Variants in FNDC3B observed in about 807,000 individuals in gnomAD.
The protein encoded by FNDC3B is fibronectin type III domain containing 3B.
In FNDC3B, 12 loss-of-function variants were observed where a neutral mutation model predicts 151.5. The observed-to-expected ratio is 0.08, with a 90% confidence interval of 0.05 to 0.13. The LOEUF is 0.13. FNDC3B is among the 10% of genes least tolerant of loss of function. The pLI is 1.00. For synonymous variants in FNDC3B, 528 were observed against 549.0 expected, an observed-to-expected ratio of 0.96 and a Z score of 0.54; for missense variants, 1,214 against 1,505.3, an observed-to-expected ratio of 0.81 and a Z score of 3.20.
At chr3:172,383,310 G>T (rs1451885033) in intron 25 of FNDC3B, among the ~76,000 whole-genome samples, 1 of 152,178 alleles carries the variant, frequency 6.6e-6, no homozygotes, top group Non-Finnish European at 1.5e-5. Flanking sequence ...TTTGCACATT[G>T]ATTTGGTATC....
intron 3 of FNDC3B, among the ~76,000 whole-genome samples, chr3:172,184,053 G>A (rs2108658076): frequency 6.6e-6 from 1 of 152,284 alleles, no homozygotes; most frequent in Admixed American, 6.5e-5. Flanking sequence ...GGAGGCATAA[G>A]TGAATAAAGA....
At chr3:172,365,042 A>G (rs930548260) in intron 23 of FNDC3B, among the ~76,000 whole-genome samples, 1 of 152,264 alleles carries the variant, frequency 6.6e-6, no homozygotes, top group Non-Finnish European at 1.5e-5. Flanking sequence ...GACCTTCCTC[A>G]GTGTCTTGAA....
chr3:172,315,102 C>T (rs1576902690), intron 11 of FNDC3B, among the ~76,000 whole-genome samples: 1 of 152,198 alleles, frequency 6.6e-6, no homozygotes, highest in South Asian at 2.1e-4. Flanking sequence ...TACAGCCGGG[C>T]GCGGTGGCTC....
At chr3:172,363,853 T>G (rs1368755551) in intron 23 of FNDC3B, among the ~76,000 whole-genome samples, 1 of 152,148 alleles carries the variant, frequency 6.6e-6, no homozygotes, top group Non-Finnish European at 1.5e-5. Flanking sequence ...TCTAGAAGCA[T>G]AGTATCAATT....
chr3:172,124,325 A>G (rs1397809877), intron 2 of FNDC3B, among the ~76,000 whole-genome samples: 3 of 152,220 alleles, frequency 2.0e-5, no homozygotes, highest in Non-Finnish European at 4.4e-5. Context: ...TCCCAGCCTC[A>G]AGTGATCTTC....
chr3:172,335,260 A>G lies in FNDC3B; in HGVS notation c.1780+178A>G, dbSNP rs531016094. ...CTGAGAATTCTACAAATTGGAATGG[A>G]CAATTTCATTAAAATGTAATCGTAA... is the stretch of plus-strand genomic sequence containing the variant. On this transcript the variant is annotated intron_variant, in intron 15 of 25. Transcript: ENST00000415807. 380 of 483,758 alleles carry G rather than the reference A, an allele frequency of 7.9e-4. 1 individual carries two copies. The highest frequency in any genetic ancestry group is 1.1e-3 in the Non-Finnish European group (301 of 286,230). 30.0% of individuals were successfully genotyped at this position (483,758 alleles called of 1,614,324 possible). A position where few individuals can be genotyped will look rare whatever the true frequency, so the allele number is the denominator to read the frequency against.
At chr3:172,285,872 AC>A (rs1366106928) in intron 6 of FNDC3B, 53 bp from the exon 7 acceptor site, 3 of 1,391,262 alleles carry the variant, frequency 2.2e-6, no homozygotes, top group Non-Finnish European at 3.1e-6. Flanking sequence ...GAACTTGACA[AC>A]CTTACTGCCT....
At chr3:172,132,360 A>G (rs1721147760) in intron 2 of FNDC3B, among the ~76,000 whole-genome samples, 1 of 152,188 alleles carries the variant, frequency 6.6e-6, no homozygotes. Context: ...GATTTTTAAA[A>G]TAGTGTTAGC....
intron 9 of FNDC3B, among the ~76,000 whole-genome samples, chr3:172,305,691 T>G (rs1262782230): frequency 2.0e-5 from 3 of 152,238 alleles, no homozygotes; most frequent in African/African-American, 7.2e-5. Context: ...TTTTGCACAC[T>G]GCCACCACAC....
At chr3:172,145,377 C>A (rs1003881277) in intron 3 of FNDC3B, among the ~76,000 whole-genome samples, 1 of 152,164 alleles carries the variant, frequency 6.6e-6, no homozygotes, top group African/African-American at 2.4e-5. Flanking sequence ...AAATGTTATT[C>A]TGTGTTAGAG....
intron 1 of FNDC3B, among the ~76,000 whole-genome samples, chr3:172,059,838 A>T (rs1277905634): frequency 1.3e-5 from 2 of 152,168 alleles, no homozygotes; most frequent in East Asian, 3.8e-4. Flanking sequence ...TAGTCCAGTG[A>T]ATTAAAACTT....
intron 3 of FNDC3B, among the ~76,000 whole-genome samples, chr3:172,190,338 T>C (rs531056195): frequency 6.6e-6 from 1 of 152,082 alleles, no homozygotes; most frequent in Admixed American, 6.6e-5. Flanking sequence ...GTTTGAAATA[T>C]AATGTTTTTA....
At chr3:172,178,763 T>C (rs1723736155) in intron 3 of FNDC3B, among the ~76,000 whole-genome samples, 1 of 152,148 alleles carries the variant, frequency 6.6e-6, no homozygotes, top group African/African-American at 2.4e-5. Flanking sequence ...TAATAGAATT[T>C]CATAGATAGG....
chr3:172,198,429 T>C (rs908868036), intron 3 of FNDC3B, among the ~76,000 whole-genome samples: 4 of 152,230 alleles, frequency 2.6e-5, no homozygotes, highest in African/African-American at 9.7e-5. Context: ...CATCTTACTA[T>C]GTAGTTTGAT....
rs1439868451 is a variant in FNDC3B at position 172,352,712 on chromosome 3, ACTT to A, written c.2515-90_2515-88del. The A allele has an allele frequency of 4.7e-6, 6 of 1,273,566 alleles. No homozygotes were observed. Among genetic ancestry groups the A allele is most frequent in the Non-Finnish European group, 6.5e-6 (6 of 917,026 alleles). 78.9% of individuals were successfully genotyped at this position (1,273,566 alleles called of 1,614,324 possible). Reference sequence around the variant, plus strand: ...ACCTGCATATGTGGAAATGTGTACTACTTTAGATTTATTTAATGGCAGCTAACT... The same window carrying A: ...ACCTGCATATGTGGAAATGTGTACTATAGATTTATTTAATGGCAGCTAACT... On this transcript the variant is annotated intron_variant, in intron 21 of 25. Transcript: ENST00000415807. This position sits in a 1 kb window ranked among gnomAD's most constrained non-coding sequence, Gnocchi z 4.2.
intron 1 of FNDC3B, among the ~76,000 whole-genome samples, chr3:172,052,162 G>A (rs1009762188): frequency 1.3e-5 from 2 of 150,434 alleles, no homozygotes; most frequent in African/African-American, 4.9e-5. Flanking sequence ...TCTGCTTACT[G>A]CAGCCTCCGC....
At chr3:172,383,850 C>G (rs1201233846) in intron 25 of FNDC3B, among the ~76,000 whole-genome samples, 1 of 152,122 alleles carries the variant, frequency 6.6e-6, no homozygotes, top group African/African-American at 2.4e-5. Flanking sequence ...ATAATAGTCC[C>G]TAGAACTTGT....
chr3:172,115,492 G>A (rs1000438467), intron 2 of FNDC3B, among the ~76,000 whole-genome samples: 6 of 152,190 alleles, frequency 3.9e-5, no homozygotes, highest in African/African-American at 1.4e-4. Flanking sequence ...AAGAGCCTGC[G>A]TAATGTGGTG....
At chr3:172,147,780 G>A (rs544339869) in intron 3 of FNDC3B, among the ~76,000 whole-genome samples, 18 of 151,870 alleles carry the variant, frequency 1.2e-4, no homozygotes, top group African/African-American at 2.4e-4. Context: ...GGAGATCGTC[G>A]GGGTTGGTGA....
Sources: gnomAD v4.1 joint callset for allele counts (sites outside exome capture counted in the v4.1 genomes callset) on GRCh38, gnomAD v4.1.1 for gene constraint, Gnocchi (gnomAD v3.1) non-coding constraint, MANE v1.5 for transcripts, NCBI Gene and HGNC (gene_info 2026-07-23, HGNC 2026-07-21) for gene names.